CRY1: variants seen among roughly 807,000 people sequenced by gnomAD.
The protein encoded by CRY1 is cryptochrome-1.
In CRY1, 45 loss-of-function variants were observed where a neutral mutation model predicts 76.0. The ratio of observed to expected loss-of-function variants is 0.59; its 90% CI spans 0.47 to 0.76. The LOEUF (loss-of-function observed/expected upper bound fraction) is 0.76. Among genes scored for constraint, CRY1 ranks in the 30% least tolerant of loss-of-function variants. The pLI is 0.00. For synonymous variants in CRY1, 248 were observed against 244.0 expected (o/e 1.02, Z -0.15); for missense variants, 587 against 716.4 (o/e 0.82, Z 2.06).
chr12:106,992,442 T>A (rs1293162029), intron 12 of CRY1: 2 of 167,498 alleles, frequency 1.2e-5, no homozygotes, highest in Admixed American at 1.1e-4. Flanking sequence ...TATATTAATG[T>A]CACTAAAATA....
intron 1 of CRY1, among the ~76,000 whole-genome samples, chr12:107,071,962 C>T (rs1181609982): frequency 1.3e-5 from 2 of 152,096 alleles, no homozygotes; most frequent in Admixed American, 1.3e-4. Flanking sequence ...GGAATTGTTT[C>T]ACTGCAATGA....
At chr12:107,006,394 T>G (rs1288759697) in intron 2 of CRY1, among the ~76,000 whole-genome samples, 1 of 152,056 alleles carries the variant, frequency 6.6e-6, no homozygotes, top group Admixed American at 6.6e-5. Context: ...AAAATTGCTA[T>G]TATAAACTTT....
At chr12:107,067,406 T>G (rs1953126041) in intron 1 of CRY1, among the ~76,000 whole-genome samples, 3 of 152,128 alleles carry the variant, frequency 2.0e-5, no homozygotes, top group Admixed American at 6.5e-5. Flanking sequence ...GAAATCAAAT[T>G]TTATCTCACA....
At chr12:106,992,458 G>C (rs1952189480) in intron 12 of CRY1, 1 of 175,826 alleles carries the variant, frequency 5.7e-6, no homozygotes, top group African/African-American at 2.4e-5. Flanking sequence ...AAATAAACAG[G>C]CCACTTTAAT....
intron 10 of CRY1, 62 bp downstream of exon 10, chr12:106,997,232 C>A (rs1952242730): frequency 2.9e-6 from 4 of 1,376,956 alleles, no homozygotes; most frequent in Non-Finnish European, 4.1e-6. Context: ...GGATCAATAA[C>A]AAATATATTT....
At chr12:107,052,221 T>G (rs1263231938) in intron 1 of CRY1, among the ~76,000 whole-genome samples, 1 of 152,112 alleles carries the variant, frequency 6.6e-6, no homozygotes, top group East Asian at 1.9e-4. Context: ...TCAGACAAAC[T>G]TGGGAGAGTT....
Position 106,991,746 on chromosome 12 carries a change from C to T in CRY1, c.*256G>A, listed in dbSNP as rs906357294. 2.6e-5 allele frequency: 4 copies of T among 152,464 alleles called. No individual in the cohort carries two copies. The highest frequency in any genetic ancestry group is 6.6e-5 in the Admixed American group (1 of 15,266). The allele number at this position is 152,464 out of a possible 1,614,324, so 9.4% of individuals were successfully genotyped here. On this transcript the variant is annotated 3_prime_UTR_variant, in exon 13 of 13. Coordinates refer to ENST00000008527, the MANE Select transcript of CRY1 (RefSeq NM_004075.5). ...ACATGAAAAATTATCAAAAATATAT[C>T]GATGGGTCTATACTAATTGTGACTG... is the stretch of plus-strand genomic sequence containing the variant.
chr12:107,012,082 C>T (rs573983259), intron 2 of CRY1, among the ~76,000 whole-genome samples: 33 of 152,274 alleles, frequency 2.2e-4, no homozygotes, highest in South Asian at 4.1e-4. Context: ...CCAAGCTACT[C>T]AGGAGGCTGA....
At position 106,992,772 on chromosome 12, in the gene CRY1, C is replaced by G; in HGVS notation, c.*15G>C. 1 of 1,588,410 alleles carries G rather than the reference C, an allele frequency of 6.3e-7. No homozygotes were observed. Among genetic ancestry groups the G allele is most frequent in the Non-Finnish European group, 8.6e-7 (1 of 1,157,002 alleles). On this transcript the variant is annotated intron_variant, in intron 12 of 12. Coordinates refer to ENST00000008527, the MANE Select transcript of CRY1 (RefSeq NM_004075.5). ...TACTCTTCTAAAGCAAGAAATACAG[C>G]TCTAAAATATTTACCTAATTAGTGC... is the stretch of plus-strand genomic sequence containing the variant.
At chr12:107,036,314 A>G (rs1387090347) in intron 1 of CRY1, among the ~76,000 whole-genome samples, 3 of 152,214 alleles carry the variant, frequency 2.0e-5, no homozygotes, top group Non-Finnish European at 2.9e-5. Context: ...CATAGTCCAC[A>G]TCTAAAACTA....
intron 1 of CRY1, among the ~76,000 whole-genome samples, chr12:107,080,079 T>C (rs1411912594): frequency 1.3e-5 from 2 of 152,124 alleles, no homozygotes; most frequent in Non-Finnish European, 2.9e-5. Flanking sequence ...TGAATAAATC[T>C]TCCTCTGTAC....
rs1692687952 is a variant in CRY1, at chr12:106,997,311, C to G, written c.1568G>C (p.Gly523Ala). The G allele has an allele frequency of 1.2e-6, 2 of 1,613,936 alleles. No homozygotes were observed. Among genetic ancestry groups the G allele is most frequent in the African/African-American group, 1.3e-5 (1 of 75,046 alleles). Residue 523 changes from glycine to alanine, a missense_variant, in exon 10 of 13, where the codon GGT becomes GCT. Coordinates refer to ENST00000008527, the MANE Select transcript of CRY1 (RefSeq NM_004075.5). ...TCACTTACTTCCACTGCTGCTACAACCTGGGATATTTTCTGCAGAATATCC... is the reference window on the plus strand; with the variant it reads ...TCACTTACTTCCACTGCTGCTACAAGCTGGGATATTTTCTGCAGAATATCC... ...FMGYSAENIP[G>A]CSSSGSCSQG... is the part of the protein sequence containing the mutation.
intron 4 of CRY1, 144 bp from the exon 5 acceptor site, chr12:107,001,512 T>C (rs8192439): frequency 0.54 from 388,267 of 717,470 alleles, 108,280 homozygotes; most frequent in East Asian, 0.73. Context: ...CCCTCACCTA[T>C]AGAGGATATG....
intron 1 of CRY1, among the ~76,000 whole-genome samples, chr12:107,028,164 T>C (rs560792662): frequency 2.0e-5 from 3 of 152,046 alleles, no homozygotes; most frequent in South Asian, 2.1e-4. Context: ...GTATACACCA[T>C]CATAAAGAAA....
At chr12:107,088,918 T>A (rs2136904564) in intron 1 of CRY1, among the ~76,000 whole-genome samples, 1 of 152,308 alleles carries the variant, frequency 6.6e-6, no homozygotes, top group South Asian at 2.1e-4. Flanking sequence ...GCTTCCCCAG[T>A]CCTAAGGAGC....
chr12:107,084,678 G>A (rs999599533), intron 1 of CRY1, among the ~76,000 whole-genome samples: 1 of 152,162 alleles, frequency 6.6e-6, no homozygotes, highest in Admixed American at 6.5e-5. Context: ...CACTCAAGAC[G>A]AATTAAAGAC....
chr12:106,999,221 C>G (rs1952272256), intron 7 of CRY1, among the ~76,000 whole-genome samples: 1 of 152,028 alleles, frequency 6.6e-6, no homozygotes. Context: ...TCTAGGAACT[C>G]TTTAGTGAAT....
intron 1 of CRY1, among the ~76,000 whole-genome samples, chr12:107,027,739 AG>A (rs1952631851): frequency 6.6e-6 from 1 of 152,168 alleles, no homozygotes; most frequent in African/African-American, 2.4e-5. Context: ...ATTTTCCTAA[AG>A]TAGGTCATTG....
intron 2 of CRY1, among the ~76,000 whole-genome samples, chr12:107,008,117 T>C (rs1416332584): frequency 2.0e-5 from 3 of 152,304 alleles, no homozygotes; most frequent in South Asian, 2.1e-4. Flanking sequence ...CTATAAAACG[T>C]ATCACATAGA....
Sources: gnomAD v4.1 joint callset for allele counts (sites outside exome capture counted in the v4.1 genomes callset) on GRCh38, gnomAD v4.1.1 for gene constraint, MANE v1.5 for transcripts, NCBI Gene and HGNC (gene_info 2026-07-23, HGNC 2026-07-21) for gene names.